Variants in PI4KA observed in about 807,000 individuals in gnomAD.
PI4KA encodes the protein PI4-kinase alpha.
A neutral mutation model predicts 271.4 loss-of-function variants in PI4KA; 122 were observed. That is an observed-to-expected ratio of 0.45 (90% CI 0.39 to 0.52). PI4KA has a LOEUF of 0.52. Ranked by LOEUF, PI4KA falls within the 20% of genes least tolerant of loss-of-function variation. PI4KA has a pLI of 0.00. For synonymous variants in PI4KA, 1,041 were observed against 1,078.8 expected (o/e 0.96, Z 0.69); for missense variants, 1,969 against 2,769.1 (o/e 0.71, Z 6.48).
At chr22:20,797,022 C>T (rs990124293) in intron 17 of PI4KA, among the ~76,000 whole-genome samples, 1 of 152,164 alleles carries the variant, frequency 6.6e-6, no homozygotes, top group Non-Finnish European at 1.5e-5. Flanking sequence ...CAGTTTCTTC[C>T]TAAGTAAAAC....
chr22:20,799,424 A>C, intron 15 of PI4KA, 148 bp from the exon 16 acceptor site: 1 of 803,112 alleles, frequency 1.2e-6, no homozygotes, highest in Non-Finnish European at 1.9e-6. Flanking sequence ...GATTTTAACC[A>C]CGGGCAGAAA....
At chr22:20,777,183 C>T (rs964771326) in intron 19 of PI4KA, among the ~76,000 whole-genome samples, 4 of 151,578 alleles carry the variant, frequency 2.6e-5, no homozygotes, top group Non-Finnish European at 1.5e-5. Flanking sequence ...GGACCACAGG[C>T]GTGTGCCATC....
Position 20,796,075 on chromosome 22 carries a change from G to A in PI4KA, c.2277+71C>T, listed in dbSNP as rs547700833. 8 of 1,407,456 alleles carry A rather than the reference G, an allele frequency of 5.7e-6. No homozygotes were observed. The African/African-American group carries it at 8.6e-5, about 15-fold the overall frequency. 87.2% of individuals were successfully genotyped at this position (1,407,456 alleles called of 1,614,324 possible). On this transcript the variant is annotated intron_variant, in intron 18 of 54. Transcript: ENST00000255882. ...AGTGCCATATTCCAACCAAGATGGT[G>A]CCTGAAGACTAAGCCTTGGCCAGCA...
chr22:20,765,054 C>A, intron 21 of PI4KA, 46 bp downstream of exon 21: 1 of 1,591,014 alleles, frequency 6.3e-7, no homozygotes, highest in Non-Finnish European at 8.6e-7. Context: ...AAGATCTGCC[C>A]TAATTGGCAC....
At chr22:20,798,523 C>T (rs1935109985) in intron 17 of PI4KA, 61 bp downstream of exon 17, 15 of 1,027,444 alleles carry the variant, frequency 1.5e-5, no homozygotes, top group African/African-American at 1.6e-5. Context: ...TCACAAACCT[C>T]ACATTTTTAA....
At chr22:20,726,316 G>GT in intron 42 of PI4KA, 172 bp downstream of exon 42, 1 of 531,292 alleles carries the variant, frequency 1.9e-6, no homozygotes, top group Non-Finnish European at 3.2e-6. Context: ...GTGAACATGG[G>GT]TATCAAGGGA....
At chr22:20,805,512 T>C (rs1052321174) in intron 10 of PI4KA, among the ~76,000 whole-genome samples, 2 of 152,156 alleles carry the variant, frequency 1.3e-5, no homozygotes, top group African/African-American at 4.8e-5. Flanking sequence ...TATGAGATAC[T>C]TCTGTGATTT....
rs193188546 is a variant in PI4KA at position 20,810,960 on chromosome 22, G to A, written c.1071+7C>T. 1.7e-5 allele frequency: 27 copies of A among 1,606,906 alleles called. No homozygotes were observed. The East Asian group carries it at 2.2e-4, about 13-fold the overall frequency. On this transcript the variant is annotated splice_region_variant and intron_variant, in intron 9 of 54. Transcript: ENST00000255882. ...ATCTCATGGTAATGCCCTCAGAAGC[G>A]ACATACCTCCATCACACTGGCTACA...
At position 20,768,888 on chromosome 22, in the gene PI4KA, C is replaced by T. The variant is rs75590938; in HGVS notation, c.2329-3195G>A. 5.6e-3 allele frequency among the ~76,000 whole-genome samples: 859 copies of T among 152,288 alleles called. 5 individuals carry two copies. Among genetic ancestry groups the T allele is most frequent in the African/African-American group, 0.019 (797 of 41,546 alleles). ...AAAAGGACAGTTGACAAGGGGCTTC[C>T]AGTTCAGCTAGTGGCCAAGGACAGT... On this transcript the variant is annotated intron_variant, in intron 19 of 54. Coordinates refer to ENST00000255882, the MANE Select transcript of PI4KA (RefSeq NM_058004.4).
At chr22:20,830,360 C>A (rs1013665134) in intron 3 of PI4KA, among the ~76,000 whole-genome samples, 5 of 145,800 alleles carry the variant, frequency 3.4e-5, no homozygotes, top group Admixed American at 6.9e-5. Flanking sequence ...TGGATATAGT[C>A]AAATCTTGCT....
Position 20,765,600 on chromosome 22 carries a change from C to T in PI4KA, c.2422G>A (p.Ala808Thr), listed in dbSNP as rs1437772573. Residue 808 changes from alanine (A) to threonine (T), a missense_variant, in exon 20 of 55, where the codon GCT becomes ACT. Coordinates refer to ENST00000255882, the MANE Select transcript of PI4KA (RefSeq NM_058004.4). ...ATCCCCCTACCTGAGCCCTCCACAG[C>T]GAATCCCATCAGAACGGAATACAGC... ...FWLYSVLMGF[A>T]VEGSGLWPEE... 4 of 1,602,146 alleles carry T rather than the reference C, an allele frequency of 2.5e-6. No homozygotes were observed. The highest frequency in any genetic ancestry group is 1.7e-5 in the Admixed American group (1 of 59,878).
At chr22:20,801,900 A>G (rs1935354648) in intron 14 of PI4KA, 73 bp downstream of exon 14, 2 of 1,522,036 alleles carry the variant, frequency 1.3e-6, no homozygotes, top group Non-Finnish European at 1.8e-6. Context: ...AAGAAGTATA[A>G]ATGTCTCTTA....
intron 11 of PI4KA, 97 bp downstream of exon 11, chr22:20,804,877 A>G (rs1935546265): frequency 1.0e-6 from 1 of 987,078 alleles, no homozygotes; most frequent in Non-Finnish European, 1.5e-6. Context: ...CTGGTAACAG[A>G]GCCAAGTGTT....
intron 19 of PI4KA, among the ~76,000 whole-genome samples, chr22:20,770,201 T>G (rs1431501105): frequency 2.6e-5 from 4 of 151,628 alleles, no homozygotes; most frequent in Non-Finnish European, 5.9e-5. Context: ...TGGCCCAGTT[T>G]TTTTTTTTTT....
At chr22:20,819,461 A>G (rs1288615226) in intron 6 of PI4KA, among the ~76,000 whole-genome samples, 180 bp downstream of exon 6, 1 of 151,916 alleles carries the variant, frequency 6.6e-6, no homozygotes, top group African/African-American at 2.4e-5. Context: ...TGTGCACTCT[A>G]TAAGCCCTTC....
Position 20,712,751 on chromosome 22 carries a change from T to C in PI4KA, c.5618A>G (p.Gln1873Arg), listed in dbSNP as rs375108843. The change falls in exon 49 of 55, where the codon CAG (glutamine) becomes CGG (arginine). Residue 1873 changes from glutamine (Q) to arginine (R), a missense_variant. This residue lies in a region of PI4KA where 110 missense variants were observed against 349.8 expected (regional missense o/e 0.31). Coordinates refer to ENST00000255882, the MANE Select transcript of PI4KA (RefSeq NM_058004.4). Reference protein sequence around the residue: ...QIIDLFKNIFQLVGLDLFVFP... With the variant: ...QIIDLFKNIFRLVGLDLFVFP... ...AACAAAGAGGTCCAGGCCGACCAGC[T>C]GGAAGATGTTCTTGAAGAGGTCGAT... 7.2e-5 allele frequency: 111 copies of C among 1,551,072 alleles called. No homozygotes were observed. Among genetic ancestry groups the C allele is most frequent in the Non-Finnish European group, 9.4e-5 (108 of 1,147,846 alleles).
At chr22:20,857,710 T>C (rs1418114792) in intron 1 of PI4KA, among the ~76,000 whole-genome samples, 2 of 152,172 alleles carry the variant, frequency 1.3e-5, no homozygotes, top group African/African-American at 2.4e-5. Context: ...AACAACCTCA[T>C]TTTACAGATA....
intron 3 of PI4KA, among the ~76,000 whole-genome samples, chr22:20,825,849 C>T (rs185899813): frequency 6.6e-6 from 1 of 152,128 alleles, no homozygotes; most frequent in African/African-American, 2.4e-5. Flanking sequence ...AGCATAGTAC[C>T]CAGAAAGTAG....
chr22:20,764,860 T>A lies in PI4KA; in HGVS notation c.2665A>T (p.Met889Leu). The change falls in exon 22 of 55, where the codon ATG (methionine) becomes TTG (leucine). Residue 889 changes from methionine (M) to leucine (L), a missense_variant. Physicochemically the swap from Met to Leu is conservative, Grantham distance 15. Coordinates refer to ENST00000255882, the MANE Select transcript of PI4KA (RefSeq NM_058004.4). ...SALINKLDFA[M>L]STYLLSVYRL... is the part of the protein sequence containing the mutation. ...TACACAGAGAGGAGGTAGGTGGACA[T>A]GGCGAAGTCCAGCTTGTTGATGAGT... 1 of 1,613,634 alleles carries A rather than the reference T, an allele frequency of 6.2e-7. No homozygotes were observed. Among genetic ancestry groups the A allele is most frequent in the Non-Finnish European group, 8.5e-7 (1 of 1,179,766 alleles).
Sources: gnomAD v4.1 joint callset for allele counts (sites outside exome capture counted in the v4.1 genomes callset) on GRCh38, gnomAD v4.1.1 for gene constraint, gnomAD v4.1.1 regional missense constraint, MANE v1.5 for transcripts, NCBI Gene and HGNC (gene_info 2026-07-23, HGNC 2026-07-21) for gene names.